Variants in DAB1 observed in about 807,000 individuals in gnomAD.
The protein encoded by DAB1 is DAB adaptor protein 1, also known as disabled homolog 1.
DAB1 carries 15 observed loss-of-function variants against 64.6 expected under a neutral mutation model. The ratio of observed to expected loss-of-function variants is 0.23; its 90% CI spans 0.16 to 0.36. The LOEUF is 0.36. Ranked by LOEUF, DAB1 falls within the 10% of genes least tolerant of loss-of-function variation. DAB1 has a pLI of 1.00. For missense variants in DAB1, 596 were observed against 706.7 expected, an observed-to-expected ratio of 0.84 and a Z score of 1.78; for synonymous variants, 235 against 251.9, an observed-to-expected ratio of 0.93 and a Z score of 0.64.
At chr1:57,546,400 T>C (rs1174543002) in intron 7 of DAB1, among the ~76,000 whole-genome samples, 4 of 152,198 alleles carry the variant, frequency 2.6e-5, no homozygotes, top group African/African-American at 9.6e-5. Context: ...TAATATGCAG[T>C]GTGATTTTGG....
chr1:58,061,222 C>T (rs1454643463), intron 5 of DAB1, among the ~76,000 whole-genome samples: 8 of 152,232 alleles, frequency 5.3e-5, no homozygotes, highest in Admixed American at 3.9e-4. Context: ...TCTAGCTTTG[C>T]AACCCTGAGC....
chr1:57,252,995 AC>A (rs1669468417), intron 2 of DAB1, among the ~76,000 whole-genome samples: 1 of 152,172 alleles, frequency 6.6e-6, no homozygotes, highest in South Asian at 2.1e-4. Context: ...CAACGGAGAC[AC>A]CCTTGCCCTC....
chr1:57,587,567 G>A (rs1297280071), intron 7 of DAB1, among the ~76,000 whole-genome samples: 2 of 152,078 alleles, frequency 1.3e-5, no homozygotes, highest in East Asian at 1.9e-4. Flanking sequence ...CCCCTCAATT[G>A]TACCATGGGT....
At chr1:57,036,247 C>A (rs1361489591) in intron 9 of DAB1, among the ~76,000 whole-genome samples, 1 of 152,214 alleles carries the variant, frequency 6.6e-6, no homozygotes, top group African/African-American at 2.4e-5. Flanking sequence ...GACCTCCCAT[C>A]CTTACTCCTG....
At chr1:57,272,737 AGAGT>A (rs1237058799) in intron 2 of DAB1, among the ~76,000 whole-genome samples, 9 of 152,240 alleles carry the variant, frequency 5.9e-5, no homozygotes, top group Non-Finnish European at 1.2e-4. Context: ...TTGTGTTAAG[AGAGT>A]GAGTTTAAAT....
chr1:57,653,145 T>C (rs985340435), intron 6 of DAB1, among the ~76,000 whole-genome samples: 17 of 152,348 alleles, frequency 1.1e-4, no homozygotes, highest in Admixed American at 1.0e-3. Flanking sequence ...TTCTGTCATA[T>C]TTGTTTCAGA....
At chr1:58,494,659 C>T (rs2100388200) in intron 3 of DAB1, among the ~76,000 whole-genome samples, 1 of 152,064 alleles carries the variant, frequency 6.6e-6, no homozygotes, top group East Asian at 1.9e-4. Context: ...CCAAAAGACA[C>T]ATGAAAAAAT....
intron 4 of DAB1, among the ~76,000 whole-genome samples, chr1:58,255,736 T>G (rs1168421236): frequency 6.6e-6 from 1 of 152,114 alleles, no homozygotes; most frequent in African/African-American, 2.4e-5. Context: ...AGAAAGTCCT[T>G]TTGCCAGATA....
chr1:57,743,535 T>C (rs1009522109), intron 6 of DAB1, among the ~76,000 whole-genome samples: 5 of 152,214 alleles, frequency 3.3e-5, no homozygotes, highest in Non-Finnish European at 5.9e-5. Flanking sequence ...GCCTGTTTGG[T>C]GGTCTCTCCA....
chr1:58,109,168 A>G (rs1651833582), intron 5 of DAB1, among the ~76,000 whole-genome samples: 2 of 152,342 alleles, frequency 1.3e-5, no homozygotes, highest in South Asian at 4.1e-4. Context: ...TTGATCTAGA[A>G]TTCTCTTTGA....
At chr1:57,998,240 C>A (rs571718963) in intron 5 of DAB1, among the ~76,000 whole-genome samples, 1 of 152,272 alleles carries the variant, frequency 6.6e-6, no homozygotes, top group African/African-American at 2.4e-5. Flanking sequence ...TTGTGCATGA[C>A]CTTGAACAAG....
At chr1:57,988,731 G>A (rs1240631185) in intron 5 of DAB1, among the ~76,000 whole-genome samples, 2 of 152,146 alleles carry the variant, frequency 1.3e-5, no homozygotes, top group Admixed American at 1.3e-4. Context: ...TGAGAGAGAG[G>A]GGTGGGGACT....
At chr1:57,186,613 C>G (rs1173866637) in intron 2 of DAB1, among the ~76,000 whole-genome samples, 1 of 152,102 alleles carries the variant, frequency 6.6e-6, no homozygotes, top group Non-Finnish European at 1.5e-5. Context: ...AAAGAGGGAC[C>G]CTTATGAATA....
intron 1 of DAB1, chr1:58,546,532 C>T (rs1199917076): frequency 6.7e-6 from 1 of 148,346 alleles, no homozygotes; most frequent in Non-Finnish European, 1.5e-5. Flanking sequence ...AGCCTTATCG[C>T]CCACCCACGC....
In DAB1 at chr1:57,569,256, C is replaced by CA. The variant is rs3991203; in HGVS notation, n.625+80335dup. On this transcript the variant is annotated intron_variant and non_coding_transcript_variant, in intron 7 of 20. Transcript: ENST00000485760. ...CCTGGGCGACAGCGAGACTCCGTCT[C>CA]AAAAAAAAAAAAAAAAAAGACACAT... 1.9e-4 allele frequency among the ~76,000 whole-genome samples: 13 copies of CA among 67,860 alleles called. 3 individuals are homozygous for CA. Among genetic ancestry groups the CA allele is most frequent in the African/African-American group, 3.6e-4 (6 of 16,540 alleles). The allele number at this position is 67,860 out of a possible 152,430, so 44.5% of individuals were successfully genotyped here.
chr1:58,151,362 C>A (rs1654925802), intron 4 of DAB1, among the ~76,000 whole-genome samples: 1 of 152,150 alleles, frequency 6.6e-6, no homozygotes, highest in Non-Finnish European at 1.5e-5. Flanking sequence ...CTGTTGTTTC[C>A]TGACTTTTTA....
chr1:58,444,297 C>T lies in DAB1; in HGVS notation n.257+61763G>A, dbSNP rs181261054. Reference sequence around the variant, plus strand: ...GGGCTTACTATGTGCCAAACTGTTACAAGAGTCTTAAAAGCATTACTCATA... The same window carrying T: ...GGGCTTACTATGTGCCAAACTGTTATAAGAGTCTTAAAAGCATTACTCATA... On this transcript the variant is annotated intron_variant and non_coding_transcript_variant, in intron 3 of 20. Transcript: ENST00000485760. 3.9e-5 allele frequency among the ~76,000 whole-genome samples: 6 copies of T among 152,320 alleles called. No homozygotes were observed. The East Asian group carries it at 9.6e-4, about 24-fold the overall frequency.
chr1:57,443,950 AG>A (rs1686045187), intron 7 of DAB1, among the ~76,000 whole-genome samples: 1 of 152,224 alleles, frequency 6.6e-6, no homozygotes, highest in Non-Finnish European at 1.5e-5. Flanking sequence ...AACACATCAA[AG>A]GCTCCTCACT....
chr1:57,618,504 A>G (rs1645816763), intron 7 of DAB1, among the ~76,000 whole-genome samples: 1 of 151,838 alleles, frequency 6.6e-6, no homozygotes, highest in African/African-American at 2.4e-5. Flanking sequence ...GAAATAGGAA[A>G]GAAGATCCTG....
Sources: allele counts gnomAD v4.1 joint callset (sites outside exome capture counted in the v4.1 genomes callset), GRCh38; gene constraint gnomAD v4.1.1; transcripts MANE v1.5; gene names NCBI Gene and HGNC (gene_info 2026-07-23, HGNC 2026-07-21).